MACROD2: variants seen among roughly 807,000 people sequenced by gnomAD.
MACROD2 encodes the protein mono-ADP ribosylhydrolase 2.
In MACROD2, 36 loss-of-function variants were observed where a neutral mutation model predicts 70.4. That is an observed-to-expected ratio of 0.51 (90% CI 0.39 to 0.68). The LOEUF is 0.68. MACROD2 is among the 30% of genes least tolerant of loss of function. The pLI is 0.00. For synonymous variants in MACROD2, 172 were observed against 178.8 expected (o/e 0.96, Z 0.30); for missense variants, 496 against 538.4 (o/e 0.92, Z 0.78).
intron 4 of MACROD2, among the ~76,000 whole-genome samples, chr20:14,678,148 T>C (rs957527949): frequency 3.3e-5 from 5 of 152,292 alleles, no homozygotes; most frequent in African/African-American, 9.6e-5. Flanking sequence ...CACCATCTCC[T>C]GGGTCATTGG....
intron 3 of MACROD2, among the ~76,000 whole-genome samples, chr20:14,333,749 G>A (rs977001060): frequency 1.3e-5 from 2 of 152,110 alleles, no homozygotes; most frequent in Non-Finnish European, 2.9e-5. Flanking sequence ...ATACTGGTCG[G>A]TGAGACCACC....
intron 6 of MACROD2, among the ~76,000 whole-genome samples, chr20:15,282,000 A>G (rs529343283): frequency 1.3e-5 from 2 of 152,360 alleles, no homozygotes; most frequent in Admixed American, 6.5e-5. Flanking sequence ...CTGCAGGCCC[A>G]ACACCATGTG....
chr20:15,899,388 A>G (rs1055472651), intron 10 of MACROD2, among the ~76,000 whole-genome samples: 1 of 152,188 alleles, frequency 6.6e-6, no homozygotes, highest in African/African-American at 2.4e-5. Flanking sequence ...ATACATATCA[A>G]GTTGACCTCA....
rs548528413 is a variant in MACROD2, at chr20:15,747,723, A to G, written c.646-115022A>G. Among the ~76,000 whole-genome samples the G allele has an allele frequency of 2.0e-5, 3 of 152,042 alleles. 1 individual carries two copies. In the South Asian group the frequency reaches 6.2e-4, roughly 32 times the overall value. ...GTCAATTCTCAGATTTTCCACGGAG[A>G]TGATCATAGCATGTATGAGCAAAGA... On this transcript the variant is annotated intron_variant, in intron 8 of 17. Coordinates refer to ENST00000684519, the MANE Select transcript of MACROD2 (RefSeq NM_001351661.2).
At chr20:15,538,640 G>C (rs535719408) in intron 8 of MACROD2, among the ~76,000 whole-genome samples, 2 of 152,306 alleles carry the variant, frequency 1.3e-5, no homozygotes, top group South Asian at 4.1e-4. Flanking sequence ...ACTGAGAAGA[G>C]AGCAAGGCCC....
intron 3 of MACROD2, among the ~76,000 whole-genome samples, chr20:14,274,273 A>G (rs1159645535): frequency 1.8e-4 from 27 of 152,334 alleles, no homozygotes; most frequent in Non-Finnish European, 3.7e-4. Context: ...CGAATCCAGC[A>G]GCACATCAAA....
chr20:14,455,131 C>T (rs2084287237), intron 3 of MACROD2, among the ~76,000 whole-genome samples: 1 of 151,818 alleles, frequency 6.6e-6, no homozygotes, highest in Non-Finnish European at 1.5e-5. Flanking sequence ...TCTGTACTCC[C>T]TCAAGAGGTG....
chr20:14,880,360 A>G (rs1347352450), intron 5 of MACROD2, among the ~76,000 whole-genome samples: 1 of 152,206 alleles, frequency 6.6e-6, no homozygotes, highest in Non-Finnish European at 1.5e-5. Context: ...TACTCTTTAC[A>G]TTCTCAACTT....
At chr20:15,473,949 G>T (rs1376086546) in intron 7 of MACROD2, among the ~76,000 whole-genome samples, 1 of 152,192 alleles carries the variant, frequency 6.6e-6, no homozygotes, top group African/African-American at 2.4e-5. Context: ...CCAGAGTGTG[G>T]TTTTGGAGTT....
chr20:14,606,507 A>G (rs149422288), intron 4 of MACROD2, among the ~76,000 whole-genome samples: 14 of 152,288 alleles, frequency 9.2e-5, no homozygotes, highest in African/African-American at 3.4e-4. Flanking sequence ...TTACCCTATT[A>G]AATTAAAACC....
intron 4 of MACROD2, among the ~76,000 whole-genome samples, chr20:14,595,956 T>G (rs1982099602): frequency 6.6e-6 from 1 of 152,178 alleles, no homozygotes; most frequent in African/African-American, 2.4e-5. Flanking sequence ...GAGAGGAGTT[T>G]CTGTCTTCTT....
intron 5 of MACROD2, among the ~76,000 whole-genome samples, chr20:15,055,551 A>G (rs1211835636): frequency 6.6e-6 from 1 of 152,202 alleles, no homozygotes; most frequent in Non-Finnish European, 1.5e-5. Context: ...GTGAAGAATT[A>G]TAGCGGAGAA....
At chr20:14,689,803 G>C (rs984540259) in intron 5 of MACROD2, among the ~76,000 whole-genome samples, 10 of 152,102 alleles carry the variant, frequency 6.6e-5, no homozygotes, top group African/African-American at 2.4e-4. Flanking sequence ...ACCTTTTATT[G>C]TTGGATATGC....
intron 6 of MACROD2, among the ~76,000 whole-genome samples, chr20:15,293,899 C>T (rs1312704688): frequency 1.3e-5 from 2 of 152,034 alleles, no homozygotes; most frequent in Non-Finnish European, 2.9e-5. Context: ...AGATGGATCA[C>T]CTGAGGTCAG....
chr20:14,765,161 T>C (rs548635277), intron 5 of MACROD2, among the ~76,000 whole-genome samples: 1 of 152,252 alleles, frequency 6.6e-6, no homozygotes, highest in Middle Eastern at 3.4e-3. Flanking sequence ...ACCCCACTCA[T>C]TAGAAAATGT....
rs973355574 is a variant in MACROD2 at position 14,731,332 on chromosome 20, G to C, written c.418+46373G>C. On this transcript the variant is annotated intron_variant, in intron 5 of 17. Coordinates refer to ENST00000684519, the MANE Select transcript of MACROD2 (RefSeq NM_001351661.2). Reference sequence around the variant, plus strand: ...ACATCATATTTGTCCTCATTATAGAGATCGTTCTAATGAGGAAAAAACTTA... The same window carrying C: ...ACATCATATTTGTCCTCATTATAGACATCGTTCTAATGAGGAAAAAACTTA... Among the ~76,000 whole-genome samples the C allele has an allele frequency of 3.3e-5, 5 of 152,216 alleles. No individual in the cohort carries two copies. The South Asian group carries it at 1.0e-3, about 32-fold the overall frequency.
chr20:14,459,122 G>A (rs1568621225), intron 3 of MACROD2, among the ~76,000 whole-genome samples: 1 of 151,974 alleles, frequency 6.6e-6, no homozygotes, highest in African/African-American at 2.4e-5. Context: ...TAGCAGGTAA[G>A]ACATTTGTAA....
chr20:15,399,546 T>C (rs911175558), intron 6 of MACROD2, among the ~76,000 whole-genome samples: 8 of 152,252 alleles, frequency 5.3e-5, no homozygotes, highest in East Asian at 3.8e-4. Flanking sequence ...CTCTAGAACA[T>C]ATATAATTTC....
chr20:14,680,126 G>T (rs1397395493), intron 4 of MACROD2, among the ~76,000 whole-genome samples: 1 of 152,160 alleles, frequency 6.6e-6, no homozygotes, highest in African/African-American at 2.4e-5. Context: ...ATTCAGGATT[G>T]TCAGAATAGG....
Sources: gnomAD v4.1 joint callset for allele counts (sites outside exome capture counted in the v4.1 genomes callset) on GRCh38, gnomAD v4.1.1 for gene constraint, MANE v1.5 for transcripts, NCBI Gene and HGNC (gene_info 2026-07-23, HGNC 2026-07-21) for gene names.